Variants in MTIF2 observed in about 807,000 individuals in gnomAD.
MTIF2 encodes the protein translation initiation factor IF-2, mitochondrial.
Under a neutral mutation model 83.5 loss-of-function variants are expected in MTIF2, and 71 were observed. That is an observed-to-expected ratio of 0.85 (90% CI 0.70 to 1.04). MTIF2 has a LOEUF of 1.04. MTIF2 is among the 50% of genes least tolerant of loss of function. The pLI is 0.00. For synonymous variants in MTIF2, 319 were observed against 287.1 expected, an observed-to-expected ratio of 1.11 and a Z score of -1.12; for missense variants, 957 against 846.5, an observed-to-expected ratio of 1.13 and a Z score of -1.62.
At chr2:55,252,926 A>G (rs1677215561) in intron 7 of MTIF2, among the ~76,000 whole-genome samples, 1 of 152,190 alleles carries the variant, frequency 6.6e-6, no homozygotes, top group South Asian at 2.1e-4. Flanking sequence ...ATCAACTGAT[A>G]TATCTATTTT....
chr2:55,253,798 GAGTGAGACTCTGTCTCAAAAAGAAAA>G (rs1677294599), intron 7 of MTIF2, among the ~76,000 whole-genome samples: 1 of 150,256 alleles, frequency 6.7e-6, no homozygotes, highest in Non-Finnish European at 1.5e-5. Context: ...CTGGGTGACA[GAGTGAGACTCTGTCTCAAAAAGAAAA>G]AAAAAAAAAA....
At chr2:55,258,763 G>C (rs1214141279) in intron 5 of MTIF2, among the ~76,000 whole-genome samples, 3 of 142,808 alleles carry the variant, frequency 2.1e-5, no homozygotes, top group Non-Finnish European at 4.5e-5. Flanking sequence ...AGTGAGCTGA[G>C]ATCGTATCAC....
chr2:55,243,907 T>A (rs976973705), intron 11 of MTIF2, 122 bp downstream of exon 11: 5 of 993,890 alleles, frequency 5.0e-6, no homozygotes, highest in Non-Finnish European at 5.7e-6. Context: ...ACAACTTGCA[T>A]CCTCACAGCC....
chr2:55,251,110 C>CAAAAAAAAA (rs57949152), intron 8 of MTIF2, among the ~76,000 whole-genome samples: 2 of 71,144 alleles, frequency 2.8e-5, no homozygotes, highest in African/African-American at 5.3e-5. Context: ...AACTCCGTCT[C>CAAAAAAAAA]AAAAAAAAAA....
intron 5 of MTIF2, among the ~76,000 whole-genome samples, chr2:55,260,057 A>G (rs924993029): frequency 6.6e-5 from 10 of 152,218 alleles, no homozygotes; most frequent in African/African-American, 2.4e-4. Context: ...TTATTTTCAA[A>G]GTTTTCTAGC....
Position 55,255,807 on chromosome 2 carries a change from T to G in MTIF2, c.332-982A>C, listed in dbSNP as rs569715916. ...AACCTCAGCTTCAGAACATGCACAA[T>G]GGACAACCCACATCTTTCACTGTTC... On this transcript the variant is annotated intron_variant, in intron 5 of 15. Coordinates refer to ENST00000263629, the MANE Select transcript of MTIF2 (RefSeq NM_002453.3). 1.4e-4 allele frequency among the ~76,000 whole-genome samples: 22 copies of G among 152,142 alleles called. No individual in the cohort carries two copies. The South Asian group carries it at 4.4e-3, about 30-fold the overall frequency.
intron 13 of MTIF2, among the ~76,000 whole-genome samples, chr2:55,241,114 A>C (rs1676270385): frequency 6.6e-6 from 1 of 152,088 alleles, no homozygotes; most frequent in Non-Finnish European, 1.5e-5. Context: ...TCTTAAACAA[A>C]ATGAATGAAA....
Position 55,254,139 on chromosome 2 carries a change from A to G in MTIF2, c.566T>C (p.Val189Ala). The G allele has an allele frequency of 1.2e-6, 2 of 1,614,188 alleles. No individual in the cohort carries two copies. Among genetic ancestry groups the G allele is most frequent in the South Asian group, 1.1e-5 (1 of 91,090 alleles). The change falls in exon 7 of 16, where the codon GTT (valine) becomes GCT (alanine). Residue 189 changes from valine to alanine, a missense_variant. Transcript: ENST00000263629. ...RSPVVTIMGH[V>A]DHGKTTLLDK... Reference sequence around the variant, plus strand: ...AAGTAATGTCGTTTTCCCGTGATCAACATGGCCCATTATAGTAACAACTGG... The same window carrying G: ...AAGTAATGTCGTTTTCCCGTGATCAGCATGGCCCATTATAGTAACAACTGG...
At position 55,236,638 on chromosome 2, in the gene MTIF2, T is replaced by A. The variant is rs1573836766; in HGVS notation, c.*10A>T. 1 of 1,578,420 alleles carries A rather than the reference T, an allele frequency of 6.3e-7. No individual in the cohort carries two copies. The highest frequency in any genetic ancestry group is 2.3e-5 in the East Asian group (1 of 44,150). ...CAACACGTTGAGTTATTTACATTTT[T>A]AATGTAATTTTAAAATCCTGGATCC... On this transcript the variant is annotated 3_prime_UTR_variant, in exon 16 of 16. Coordinates refer to ENST00000263629, the MANE Select transcript of MTIF2 (RefSeq NM_002453.3).
intron 5 of MTIF2, among the ~76,000 whole-genome samples, chr2:55,258,234 C>G (rs1445524685): frequency 6.6e-6 from 1 of 152,314 alleles, no homozygotes; most frequent in African/African-American, 2.4e-5. Context: ...ACTGATTGTA[C>G]TCCACAATAA....
intron 3 of MTIF2, among the ~76,000 whole-genome samples, 156 bp downstream of exon 3, chr2:55,267,413 C>A (rs186121137): frequency 6.6e-6 from 1 of 152,300 alleles, no homozygotes; most frequent in East Asian, 1.9e-4. Flanking sequence ...TCCGCCTTGG[C>A]CTCCCAAAGT....
rs1014445323 is a variant in MTIF2, at chr2:55,244,225, G to C, written c.1115C>G (p.Thr372Ser). 6.2e-7 allele frequency: 1 copy of C among 1,609,822 alleles called. No individual in the cohort carries two copies. The highest frequency in any genetic ancestry group is 8.5e-7 in the Non-Finnish European group (1 of 1,176,482). The change falls in exon 11 of 16, where the codon ACT (threonine) becomes AGT (serine). Residue 372 changes from threonine (T) to serine (S), a missense_variant. Thr to Ser is a moderately conservative substitution (Grantham distance 58). Transcript: ENST00000263629. ...SFTDKGRGLV[T>S]TAIIQRGTLR... ...AGTTCCTCTTTGAATTATAGCTGTA[G>C]TAACAAGACTAAAATGAAAATAAAA... is the stretch of plus-strand genomic sequence containing the variant.
intron 9 of MTIF2, among the ~76,000 whole-genome samples, chr2:55,247,065 C>A (rs1245760558): frequency 1.3e-5 from 2 of 152,128 alleles, no homozygotes; most frequent in Non-Finnish European, 2.9e-5. Flanking sequence ...TTCCCTGGAT[C>A]TCCTTACCTC....
chr2:55,255,292 T>C (rs942283395), intron 5 of MTIF2, among the ~76,000 whole-genome samples: 3 of 150,324 alleles, frequency 2.0e-5, no homozygotes, highest in African/African-American at 7.3e-5. Flanking sequence ...AAATATAGAG[T>C]TGGGTTCCTG....
In MTIF2 at chr2:55,254,120, T is replaced by C; in HGVS notation, c.585A>G (p.Thr195=). The C allele has an allele frequency of 6.2e-7, 1 of 1,614,226 alleles. No individual in the cohort carries two copies. Among genetic ancestry groups the C allele is most frequent in the East Asian group, 2.2e-5 (1 of 44,888 alleles). The change falls in exon 7 of 16, where the codon ACA becomes ACG. Residue 195 remains threonine, a synonymous_variant. Coordinates refer to ENST00000263629, the MANE Select transcript of MTIF2 (RefSeq NM_002453.3). ...IMGHVDHGKT[T]LLDKFRKTQV... ...GAGTTTTTCGAAATTTGTCAAGTAATGTCGTTTTCCCGTGATCAACATGGC... is the reference window on the plus strand; with the variant it reads ...GAGTTTTTCGAAATTTGTCAAGTAACGTCGTTTTCCCGTGATCAACATGGC...
intron 1 of MTIF2, 33 bp from the exon 2 acceptor site, chr2:55,268,772 G>C (rs938746330): frequency 3.3e-5 from 5 of 152,228 alleles, no homozygotes; most frequent in Non-Finnish European, 5.9e-5. Flanking sequence ...ACGTAGTTGC[G>C]TTAGGGAAAA....
At chr2:55,261,928 CAAAAAAAAAAACCAAAA>C (rs1165814832) in intron 5 of MTIF2, among the ~76,000 whole-genome samples, 1 of 37,108 alleles carries the variant, frequency 2.7e-5, no homozygotes, top group Non-Finnish European at 5.5e-5. Context: ...GACCCTGTCT[CAAAAAAAAAAACCAAAA>C]AAAAAAAAAA....
chr2:55,250,655 A>C (rs1476361449), intron 8 of MTIF2, among the ~76,000 whole-genome samples: 1 of 152,220 alleles, frequency 6.6e-6, no homozygotes, highest in African/African-American at 2.4e-5. Flanking sequence ...ACAATCTTTT[A>C]ATCTACTTAC....
chr2:55,242,953 AG>A lies in MTIF2; in HGVS notation c.1691del (p.Ala564ValfsTer13). 6.2e-7 allele frequency: 1 copy of A among 1,608,208 alleles called. No homozygotes were observed. The highest frequency in any genetic ancestry group is 8.5e-7 in the Non-Finnish European group (1 of 1,178,286). ...TGGAATCCTTACCATCAAATGTTTC[AG>A]CAAGGTTAACATCATTTGCACTTAC... The part of the protein sequence containing the change: ...GDVSANDVNL[A>X]ETFDGVIYGF... On this transcript the variant is annotated frameshift_variant, in exon 13 of 16. Coordinates refer to ENST00000263629, the MANE Select transcript of MTIF2 (RefSeq NM_002453.3). LOFTEE classifies it high-confidence loss of function.
Sources: gnomAD v4.1 joint callset for allele counts (sites outside exome capture counted in the v4.1 genomes callset) on GRCh38, gnomAD v4.1.1 for gene constraint, MANE v1.5 for transcripts, NCBI Gene and HGNC (gene_info 2026-07-23, HGNC 2026-07-21) for gene names.